The following FBXW11 variants were observed in gnomAD, a reference collection of about 807,000 sequenced individuals.
FBXW11 encodes the protein F-box/WD repeat-containing protein 11.
FBXW11 carries 19 observed loss-of-function variants against 77.6 expected under a neutral mutation model. The observed-to-expected ratio is 0.24, with a 90% CI of 0.17 to 0.36. FBXW11 has a LOEUF of 0.36. Ranked by LOEUF, FBXW11 falls within the 10% of genes least tolerant of loss-of-function variation. The probability of loss-of-function intolerance (pLI) is 1.00; values close to 1 mark genes in which losing one functional copy is unlikely to be tolerated. For missense variants in FBXW11, 334 were observed against 704.2 expected (o/e 0.47, Z 5.95); for synonymous variants, 235 against 249.4 (o/e 0.94, Z 0.54).
At chr5:171,987,907 T>A (rs563267741) in intron 1 of FBXW11, among the ~76,000 whole-genome samples, 1 of 152,336 alleles carries the variant, frequency 6.6e-6, no homozygotes, top group African/African-American at 2.4e-5. Context: ...AAGGTATGCA[T>A]TTGATTCTGT....
chr5:171,938,118 C>T (rs1372276320), intron 2 of FBXW11, among the ~76,000 whole-genome samples: 2 of 152,250 alleles, frequency 1.3e-5, no homozygotes, highest in Non-Finnish European at 2.9e-5. Flanking sequence ...AGTGCAGTGG[C>T]ACGATCATAG....
intron 1 of FBXW11, among the ~76,000 whole-genome samples, chr5:171,970,393 A>C (rs1764456789): frequency 6.6e-6 from 1 of 152,180 alleles, no homozygotes; most frequent in African/African-American, 2.4e-5. Flanking sequence ...AAGTTTCCTG[A>C]GGCCTCCCAG....
chr5:171,931,911 G>A lies in FBXW11; in HGVS notation c.148-17506C>T, dbSNP rs564580323. Among the ~76,000 whole-genome samples, 3 of 119,182 alleles carry A rather than the reference G, an allele frequency of 2.5e-5. No individual in the cohort carries two copies. In the East Asian group the frequency reaches 8.8e-4, roughly 35 times the overall value. 78.2% of individuals were successfully genotyped at this position (119,182 alleles called of 152,430 possible). On this transcript the variant is annotated intron_variant, in intron 2 of 13. Coordinates refer to ENST00000517395, the MANE Select transcript of FBXW11 (RefSeq NM_001378974.1). The stretch of plus-strand genomic sequence containing the variant: ...TCTCTCTCTCACAGGGTCTCACTCT[G>A]TCACCCACAATGCAGTGCAGTGATG...
intron 1 of FBXW11, among the ~76,000 whole-genome samples, chr5:172,005,069 C>T (rs1006539998): frequency 2.0e-5 from 3 of 152,210 alleles, no homozygotes; most frequent in Non-Finnish European, 4.4e-5. Context: ...ACACCATCAT[C>T]CACAGAAACC....
At chr5:171,970,087 A>T (rs1300573226) in intron 1 of FBXW11, among the ~76,000 whole-genome samples, 1 of 152,210 alleles carries the variant, frequency 6.6e-6, no homozygotes, top group Non-Finnish European at 1.5e-5. Flanking sequence ...TACTTGTCTC[A>T]TTGAGAGCTC....
At chr5:171,997,105 G>A (rs1487021916) in intron 1 of FBXW11, 17 of 1,274,446 alleles carry the variant, frequency 1.3e-5, no homozygotes, top group Non-Finnish European at 1.7e-5. Flanking sequence ...AGCGGCAAAG[G>A]ACAGCCTCCA....
At chr5:171,959,847 CA>C (rs756379284) in intron 1 of FBXW11, among the ~76,000 whole-genome samples, 8,818 of 138,194 alleles carry the variant, frequency 0.064, 889 homozygotes, top group African/African-American at 0.22. Context: ...GAGACTGCCT[CA>C]AAAAAAAAAA....
In FBXW11 at chr5:171,876,033, T is replaced by C. The variant is rs943284447; in HGVS notation, c.1221+252A>G. On this transcript the variant is annotated intron_variant, in intron 9 of 13. Coordinates refer to ENST00000517395, the MANE Select transcript of FBXW11 (RefSeq NM_001378974.1). The surrounding 1 kb of genome is among the most constrained non-coding windows in gnomAD (Gnocchi z 4.2). ...ATACATGATCAACACGTTAGCACTC[T>C]TCCCCTTAAAAAGGTGATCAAGAAT... 6.6e-6 allele frequency among the ~76,000 whole-genome samples: 1 copy of C among 152,176 alleles called. No individual in the cohort carries two copies. The highest frequency in any genetic ancestry group is 2.4e-5 in the African/African-American group (1 of 41,440).
chr5:171,914,034 G>T (rs1238567861), intron 3 of FBXW11, among the ~76,000 whole-genome samples: 1 of 152,172 alleles, frequency 6.6e-6, no homozygotes, highest in Non-Finnish European at 1.5e-5. Context: ...CTGGTGTGTG[G>T]CATGGTGCCA....
At chr5:171,966,492 G>C (rs894158566) in intron 1 of FBXW11, among the ~76,000 whole-genome samples, 1 of 152,224 alleles carries the variant, frequency 6.6e-6, no homozygotes, top group African/African-American at 2.4e-5. Context: ...CAGCATGACA[G>C]AGAACAGGAT....
At chr5:171,951,163 T>A (rs910047345) in intron 2 of FBXW11, among the ~76,000 whole-genome samples, 2 of 150,312 alleles carry the variant, frequency 1.3e-5, no homozygotes, top group African/African-American at 4.9e-5. Flanking sequence ...ACATATGCAA[T>A]GAAATCACTG....
chr5:171,939,311 T>C (rs1762628229), intron 2 of FBXW11, among the ~76,000 whole-genome samples: 1 of 151,994 alleles, frequency 6.6e-6, no homozygotes, highest in Non-Finnish European at 1.5e-5. Context: ...ATGAATAACA[T>C]AATCATACTT....
chr5:171,959,995 C>T (rs141764864), intron 1 of FBXW11, among the ~76,000 whole-genome samples: 1 of 152,318 alleles, frequency 6.6e-6, no homozygotes, highest in Non-Finnish European at 1.5e-5. Context: ...CAAACACTCT[C>T]TATCCAGAGA....
chr5:171,957,950 GAA>G (rs1252823929), intron 1 of FBXW11, among the ~76,000 whole-genome samples: 7 of 152,180 alleles, frequency 4.6e-5, no homozygotes, highest in Admixed American at 4.6e-4. Flanking sequence ...GGGACAGAGA[GAA>G]TGTTTAAACA....
intron 1 of FBXW11, among the ~76,000 whole-genome samples, chr5:171,972,787 C>T (rs975406913): frequency 2.6e-5 from 4 of 152,094 alleles, no homozygotes; most frequent in Non-Finnish European, 5.9e-5. Context: ...TCAGGTGATC[C>T]ACCCACCTCG....
At chr5:171,984,916 C>T (rs1765354913) in intron 1 of FBXW11, among the ~76,000 whole-genome samples, 1 of 152,188 alleles carries the variant, frequency 6.6e-6, no homozygotes, top group Non-Finnish European at 1.5e-5. Context: ...AAAACTATTA[C>T]TACTGCCTTC....
At chr5:171,864,382 T>C (rs1024058759) in intron 13 of FBXW11, among the ~76,000 whole-genome samples, 3 of 152,314 alleles carry the variant, frequency 2.0e-5, no homozygotes, top group African/African-American at 7.2e-5. Flanking sequence ...AGTCAACAAG[T>C]GACAGAGAGG....
rs2113725271 is a variant in FBXW11 at position 171,864,015 on chromosome 5, A to G, written c.*112T>C. 6.6e-6 allele frequency: 1 copy of G among 152,262 alleles called. No individual in the cohort carries two copies. Among genetic ancestry groups the G allele is most frequent in the South Asian group, 2.1e-4 (1 of 4,810 alleles). The allele number at this position is 152,262 out of a possible 1,614,324, so 9.4% of individuals were successfully genotyped here. A position where few individuals can be genotyped will look rare whatever the true frequency, so the allele number is the denominator to read the frequency against. On this transcript the variant is annotated 3_prime_UTR_variant, in exon 14 of 14. Coordinates refer to ENST00000517395, the MANE Select transcript of FBXW11 (RefSeq NM_001378974.1). ...GCTTTGCATCTACCCAGCGTCTAGAACCAATTCCAGCTTCATAACTCAGCT... is the reference window on the plus strand; with the variant it reads ...GCTTTGCATCTACCCAGCGTCTAGAGCCAATTCCAGCTTCATAACTCAGCT...
chr5:171,964,327 G>T (rs1233210833), intron 1 of FBXW11, among the ~76,000 whole-genome samples: 2 of 152,210 alleles, frequency 1.3e-5, no homozygotes, highest in Non-Finnish European at 2.9e-5. Flanking sequence ...CAATTTCATG[G>T]GGTAACCATT....
Sources: allele counts gnomAD v4.1 joint callset (sites outside exome capture counted in the v4.1 genomes callset), GRCh38; gene constraint gnomAD v4.1.1; non-coding constraint Gnocchi (gnomAD v3.1); transcripts MANE v1.5; gene names NCBI Gene and HGNC (gene_info 2026-07-23, HGNC 2026-07-21).